Variants in TNNI3K observed in about 807,000 individuals in gnomAD.
TNNI3K encodes TNNI3 interacting kinase, also known as serine/threonine-protein kinase TNNI3K.
In TNNI3K, 140 loss-of-function variants were observed where a neutral mutation model predicts 114.5. The observed-to-expected ratio is 1.22, with a 90% CI of 1.07 to 1.41. The LOEUF is 1.41. Ranked by LOEUF, TNNI3K falls within the 40% of genes most tolerant of loss-of-function variation. TNNI3K has a pLI of 0.00. For synonymous variants in TNNI3K, 347 were observed against 347.5 expected (o/e 1.00, Z 0.02); for missense variants, 1,125 against 1,007.6 (o/e 1.12, Z -1.58).
intron 17 of TNNI3K, among the ~76,000 whole-genome samples, chr1:74,403,230 C>G (rs1314048485): frequency 1.3e-5 from 2 of 152,108 alleles, no homozygotes; most frequent in Non-Finnish European, 2.9e-5. Context: ...CTTAATTCTT[C>G]ACTGTATTTA....
intron 5 of TNNI3K, among the ~76,000 whole-genome samples, chr1:74,302,526 A>T (rs1351836760): frequency 6.6e-6 from 1 of 152,218 alleles, no homozygotes; most frequent in East Asian, 1.9e-4. Context: ...CAAAGGAAAA[A>T]TTCTTGAGGA....
At chr1:74,489,829 A>G (rs746027897) in intron 22 of TNNI3K, among the ~76,000 whole-genome samples, 1 of 152,148 alleles carries the variant, frequency 6.6e-6, no homozygotes, top group Admixed American at 6.5e-5. Flanking sequence ...GCATTTCAAA[A>G]TAATCGAGGG....
chr1:74,434,492 C>A (rs1666034359), intron 17 of TNNI3K, among the ~76,000 whole-genome samples: 1 of 151,884 alleles, frequency 6.6e-6, no homozygotes, highest in Non-Finnish European at 1.5e-5. Flanking sequence ...AAAGTCTCAG[C>A]ACATATTTAT....
chr1:74,361,427 C>G (rs552339426), intron 11 of TNNI3K, among the ~76,000 whole-genome samples: 4 of 152,092 alleles, frequency 2.6e-5, no homozygotes, highest in African/African-American at 9.6e-5. Flanking sequence ...TAATTTTTTC[C>G]ACTAGATAGC....
At chr1:74,423,926 C>T (rs941030839) in intron 17 of TNNI3K, among the ~76,000 whole-genome samples, 1 of 152,144 alleles carries the variant, frequency 6.6e-6, no homozygotes, top group Non-Finnish European at 1.5e-5. Flanking sequence ...TAATACCTAA[C>T]ATCATGTCTA....
chr1:74,382,289 A>C (rs1663243284), intron 17 of TNNI3K, among the ~76,000 whole-genome samples: 1 of 152,224 alleles, frequency 6.6e-6, no homozygotes, highest in South Asian at 2.1e-4. Context: ...CAAAATGGAA[A>C]TAATGATGTC....
At chr1:74,378,599 T>TATAC (rs1663030433) in intron 17 of TNNI3K, 1 of 46,608 alleles carries the variant, frequency 2.1e-5, no homozygotes, top group Non-Finnish European at 4.1e-5. Flanking sequence ...TAATTTTATA[T>TATAC]ATATATATAT....
chr1:74,534,845 T>C (rs939366182), intron 23 of TNNI3K, among the ~76,000 whole-genome samples: 1 of 152,146 alleles, frequency 6.6e-6, no homozygotes, highest in African/African-American at 2.4e-5. Context: ...TTCTCTACAG[T>C]TTCCTCTGCT....
At chr1:74,284,065 C>T (rs488263) in intron 5 of TNNI3K, among the ~76,000 whole-genome samples, 150,760 of 152,224 alleles carry the variant, frequency 0.99, 74,676 homozygotes, top group Middle Eastern at 1. Flanking sequence ...CTCAGGAAGA[C>T]GGGAAATTCT....
intron 17 of TNNI3K, among the ~76,000 whole-genome samples, chr1:74,413,284 T>C (rs1034698839): frequency 1.3e-5 from 2 of 152,208 alleles, no homozygotes; most frequent in African/African-American, 2.4e-5. Flanking sequence ...AATTCCTGGA[T>C]ATTAGTATAG....
chr1:74,480,849 C>T (rs890624231), intron 21 of TNNI3K: 18 of 717,452 alleles, frequency 2.5e-5, no homozygotes, highest in African/African-American at 2.3e-4. Context: ...TGAACATCCT[C>T]GATACCATTT....
chr1:74,357,352 G>C (rs1661720836), intron 11 of TNNI3K, among the ~76,000 whole-genome samples: 1 of 152,142 alleles, frequency 6.6e-6, no homozygotes, highest in Non-Finnish European at 1.5e-5. Flanking sequence ...AATTTAAATA[G>C]TTCATCCTAG....
At chr1:74,516,078 C>A (rs1638743730) in intron 23 of TNNI3K, among the ~76,000 whole-genome samples, 1 of 152,162 alleles carries the variant, frequency 6.6e-6, no homozygotes, top group Non-Finnish European at 1.5e-5. Flanking sequence ...TTCTGTGGAT[C>A]TTTGAGTTGG....
intron 17 of TNNI3K, among the ~76,000 whole-genome samples, chr1:74,429,925 C>T (rs981705903): frequency 6.6e-6 from 1 of 152,068 alleles, no homozygotes; most frequent in East Asian, 1.9e-4. Context: ...TGTTATTAAG[C>T]CTGCACTTCT....
chr1:74,368,291 G>T (rs1242977122), intron 13 of TNNI3K, among the ~76,000 whole-genome samples: 3 of 151,546 alleles, frequency 2.0e-5, no homozygotes, highest in Non-Finnish European at 4.4e-5. Flanking sequence ...AAACATATGT[G>T]AAAAAATATA....
intron 9 of TNNI3K, chr1:74,345,834 G>T (rs957992582): frequency 2.6e-5 from 4 of 152,156 alleles, no homozygotes; most frequent in African/African-American, 9.6e-5. Context: ...GTCATTACTA[G>T]GCATGCTAAT....
chr1:74,259,529 C>T (rs1655539919), intron 4 of TNNI3K, among the ~76,000 whole-genome samples: 1 of 152,124 alleles, frequency 6.6e-6, no homozygotes, highest in African/African-American at 2.4e-5. Context: ...TGCCTGTAAT[C>T]CCATCACTTT....
At chr1:74,356,929 A>G (rs1197916831) in intron 11 of TNNI3K, among the ~76,000 whole-genome samples, 4 of 152,208 alleles carry the variant, frequency 2.6e-5, no homozygotes, top group Non-Finnish European at 5.9e-5. Flanking sequence ...GTTGCTCAGA[A>G]GACAGATGGA....
intron 23 of TNNI3K, among the ~76,000 whole-genome samples, chr1:74,518,874 C>CTTTTTTTT (rs1327871291): frequency 6.9e-5 from 2 of 29,050 alleles, no homozygotes; most frequent in Non-Finnish European, 1.2e-4. Context: ...TTTTTTTCCC[C>CTTTTTTTT]TTTTTTTTTT....
Sources: gnomAD v4.1 joint callset for allele counts (sites outside exome capture counted in the v4.1 genomes callset) on GRCh38, gnomAD v4.1.1 for gene constraint, MANE v1.5 for transcripts, NCBI Gene and HGNC (gene_info 2026-07-23, HGNC 2026-07-21) for gene names.